Variants in SLC7A1 observed in about 807,000 individuals in gnomAD.
The protein encoded by SLC7A1 is high affinity cationic amino acid transporter 1.
In SLC7A1, 10 loss-of-function variants were observed where a neutral mutation model predicts 53.9. The observed-to-expected ratio is 0.19, with a 90% CI of 0.11 to 0.31. The LOEUF (loss-of-function observed/expected upper bound fraction) is 0.31. Among genes scored for constraint, SLC7A1 ranks in the 10% least tolerant of loss-of-function variants. The pLI, the probability that SLC7A1 is intolerant of heterozygous loss-of-function variation, is 1.00. For synonymous variants in SLC7A1, 342 were observed against 338.7 expected, an observed-to-expected ratio of 1.01 and a Z score of -0.11; for missense variants, 525 against 827.2, an observed-to-expected ratio of 0.63 and a Z score of 4.48.
At chr13:29,583,582 C>T (rs1243264712) in intron 1 of SLC7A1, among the ~76,000 whole-genome samples, 4 of 152,114 alleles carry the variant, frequency 2.6e-5, no homozygotes, top group Admixed American at 1.3e-4. Context: ...AACCAGGAGC[C>T]GCAGGAAAGT....
intron 1 of SLC7A1, among the ~76,000 whole-genome samples, chr13:29,563,329 C>A (rs1052523012): frequency 1.3e-5 from 2 of 152,172 alleles, no homozygotes; most frequent in African/African-American, 4.8e-5. Context: ...CCGTGTGCAA[C>A]GGTGGACGGC....
intron 2 of SLC7A1, among the ~76,000 whole-genome samples, chr13:29,552,434 A>G (rs1227188336): frequency 6.6e-6 from 1 of 152,220 alleles, no homozygotes; most frequent in Non-Finnish European, 1.5e-5. Flanking sequence ...AATGTTGGGA[A>G]CAGGCCCCCA....
At chr13:29,531,699 T>C (rs1464475454) in intron 4 of SLC7A1, among the ~76,000 whole-genome samples, 1 of 152,086 alleles carries the variant, frequency 6.6e-6, no homozygotes, top group Non-Finnish European at 1.5e-5. Flanking sequence ...CTGGGTGTGG[T>C]GGTGCGTGTC....
chr13:29,564,442 A>AGTAGGTT (rs1188043793), intron 1 of SLC7A1, among the ~76,000 whole-genome samples: 1 of 152,230 alleles, frequency 6.6e-6, no homozygotes, highest in Admixed American at 6.5e-5. Context: ...AGCTGCATAA[A>AGTAGGTT]GTAGGTTCTA....
At chr13:29,594,860 T>C (rs1377034128) in intron 1 of SLC7A1, among the ~76,000 whole-genome samples, 1 of 151,706 alleles carries the variant, frequency 6.6e-6, no homozygotes, top group Non-Finnish European at 1.5e-5. Flanking sequence ...GGCAGCAGAG[T>C]CCCTGGGCCG....
intron 1 of SLC7A1, among the ~76,000 whole-genome samples, chr13:29,570,698 G>GA (rs1372202416): frequency 1.3e-5 from 2 of 151,154 alleles, no homozygotes; most frequent in African/African-American, 4.9e-5. Context: ...CAAAATACAG[G>GA]AAAAAAAAAT....
At chr13:29,521,684 T>G (rs1379309078) in intron 8 of SLC7A1, among the ~76,000 whole-genome samples, 2 of 152,160 alleles carry the variant, frequency 1.3e-5, no homozygotes, top group Non-Finnish European at 2.9e-5. Flanking sequence ...AGGTTCTCCT[T>G]TCCTTCATCT....
intron 2 of SLC7A1, among the ~76,000 whole-genome samples, chr13:29,546,959 G>T (rs1799628719): frequency 6.6e-6 from 1 of 152,184 alleles, no homozygotes; most frequent in Non-Finnish European, 1.5e-5. Flanking sequence ...AAGAATAAGA[G>T]CGCGGAGTGT....
intron 1 of SLC7A1, among the ~76,000 whole-genome samples, chr13:29,570,903 C>G (rs1002099121): frequency 1.3e-5 from 2 of 151,602 alleles, no homozygotes; most frequent in African/African-American, 4.8e-5. Flanking sequence ...TTCTTTGAGT[C>G]TCCCTTTTCT....
intron 5 of SLC7A1, among the ~76,000 whole-genome samples, chr13:29,524,577 G>A (rs147044091): frequency 0.013 from 1,922 of 152,282 alleles, 21 homozygotes; most frequent in Middle Eastern, 0.024. Context: ...CCAGCCACGC[G>A]GCCAGTCCCA....
chr13:29,542,806 T>TAA (rs35321601), intron 2 of SLC7A1, among the ~76,000 whole-genome samples: 18 of 149,674 alleles, frequency 1.2e-4, no homozygotes, highest in East Asian at 7.9e-4. Flanking sequence ...TTATGCAGCT[T>TAA]AAAAAAAAAA....
At chr13:29,545,408 C>T (rs1802359049) in intron 2 of SLC7A1, among the ~76,000 whole-genome samples, 1 of 152,044 alleles carries the variant, frequency 6.6e-6, no homozygotes, top group Non-Finnish European at 1.5e-5. Flanking sequence ...TCCATAGGCC[C>T]AAATTCATTG....
chr13:29,536,723 G>T (rs771208323), intron 2 of SLC7A1, among the ~76,000 whole-genome samples: 5 of 152,140 alleles, frequency 3.3e-5, no homozygotes, highest in Non-Finnish European at 7.4e-5. Flanking sequence ...ATCCCCTGAG[G>T]GTAAGGAGCA....
chr13:29,561,351 C>T (rs1870746087), intron 1 of SLC7A1, among the ~76,000 whole-genome samples: 1 of 152,216 alleles, frequency 6.6e-6, no homozygotes, highest in Admixed American at 6.5e-5. Context: ...CTACAAGGGA[C>T]CACAGTTCAA....
chr13:29,520,215 C>A (rs991462108), intron 8 of SLC7A1, among the ~76,000 whole-genome samples: 1 of 152,130 alleles, frequency 6.6e-6, no homozygotes, highest in African/African-American at 2.4e-5. Context: ...CATCCAGCTC[C>A]GGTCAGAGTG....
intron 2 of SLC7A1, among the ~76,000 whole-genome samples, chr13:29,551,079 T>C (rs1459623563): frequency 6.6e-6 from 1 of 152,200 alleles, no homozygotes; most frequent in Admixed American, 6.5e-5. Flanking sequence ...TGTTATTTCA[T>C]TTTTTTAAAA....
chr13:29,570,576 G>A (rs566467823), intron 1 of SLC7A1, among the ~76,000 whole-genome samples: 19 of 152,294 alleles, frequency 1.2e-4, no homozygotes, highest in African/African-American at 4.3e-4. Flanking sequence ...GACCGGGCAC[G>A]GTGGCTCACG....
chr13:29,543,227 G>A (rs1453527003), intron 2 of SLC7A1, among the ~76,000 whole-genome samples: 1 of 152,138 alleles, frequency 6.6e-6, no homozygotes, highest in Non-Finnish European at 1.5e-5. Flanking sequence ...CTACTTTCAT[G>A]GGGGAAAAAA....
At position 29,511,749 on chromosome 13, in the gene SLC7A1, T is replaced by A. The variant is rs1429516003; in HGVS notation, c.*2731A>T. The A allele has an allele frequency of 6.6e-6, 1 of 152,214 alleles. No individual in the cohort carries two copies. Among genetic ancestry groups the A allele is most frequent in the Admixed American group, 6.5e-5 (1 of 15,268 alleles). The allele number at this position is 152,214 out of a possible 1,614,324, so 9.4% of individuals were successfully genotyped here. A position where few individuals can be genotyped will look rare whatever the true frequency, so the allele number is the denominator to read the frequency against. ...GAGGTCATGAACACATGCAGGGCAG[T>A]CACAGGGGTTGTGGGAGACAGGAAG... On this transcript the variant is annotated 3_prime_UTR_variant, in exon 13 of 13. Transcript: ENST00000380752.
Sources: allele counts gnomAD v4.1 joint callset (sites outside exome capture counted in the v4.1 genomes callset), GRCh38; gene constraint gnomAD v4.1.1; transcripts MANE v1.5; gene names NCBI Gene and HGNC (gene_info 2026-07-23, HGNC 2026-07-21).